PPP2R2B: variants seen among roughly 807,000 people sequenced by gnomAD.
The protein encoded by PPP2R2B is protein phosphatase 2 regulatory subunit Bbeta, also known as serine/threonine-protein phosphatase 2A 55 kDa regulatory subunit B beta isoform.
A neutral mutation model predicts 46.0 loss-of-function variants in PPP2R2B; 5 were observed. The ratio of observed to expected loss-of-function variants is 0.11; its 90% CI spans 0.06 to 0.23. The LOEUF (loss-of-function observed/expected upper bound fraction) is 0.23. Ranked by LOEUF, PPP2R2B falls within the 10% of genes least tolerant of loss-of-function variation. The probability of loss-of-function intolerance (pLI) is 1.00; values close to 1 mark genes in which losing one functional copy is unlikely to be tolerated. For missense variants in PPP2R2B, 367 were observed against 575.0 expected (o/e 0.64, Z 3.70); for synonymous variants, 215 against 206.7 (o/e 1.04, Z -0.34).
intron 2 of PPP2R2B, among the ~76,000 whole-genome samples, chr5:146,830,045 A>G (rs1231776950): frequency 6.6e-6 from 1 of 152,204 alleles, no homozygotes. Context: ...TATGCAAAAC[A>G]TATAGTACAA....
chr5:146,644,865 T>C lies in PPP2R2B; in HGVS notation c.625+5682A>G, dbSNP rs1290996037. On this transcript the variant is annotated intron_variant, in intron 6 of 9. Transcript: ENST00000394411. ...CTCCAAGGATAGGGTTTATATGCAT[T>C]GCCTTTGTGAGGTGACTTTCATATG... is the stretch of plus-strand genomic sequence containing the variant. 4.6e-5 allele frequency among the ~76,000 whole-genome samples: 7 copies of C among 152,226 alleles called. No homozygotes were observed. The East Asian group carries it at 1.3e-3, about 29-fold the overall frequency.
chr5:146,803,388 TTAAAGA>T (rs1756982195), intron 2 of PPP2R2B, among the ~76,000 whole-genome samples: 1 of 152,158 alleles, frequency 6.6e-6, no homozygotes, highest in Non-Finnish European at 1.5e-5. Flanking sequence ...TTAGACACTT[TTAAAGA>T]TAAAGGTCAT....
intron 1 of PPP2R2B, chr5:147,054,530 C>A (rs1345209646): frequency 6.8e-6 from 3 of 442,982 alleles, no homozygotes; most frequent in Non-Finnish European, 1.4e-5. Context: ...AAATACCACC[C>A]TCAGTCTCAA....
chr5:147,064,444 G>A (rs755466191), intron 2 of PPP2R2B, among the ~76,000 whole-genome samples: 3 of 152,120 alleles, frequency 2.0e-5, no homozygotes, highest in Non-Finnish European at 4.4e-5. Context: ...GAATATCCCC[G>A]GGGGTGCAAA....
chr5:146,954,514 G>T (rs1751783302), intron 1 of PPP2R2B, among the ~76,000 whole-genome samples: 2 of 152,108 alleles, frequency 1.3e-5, no homozygotes, highest in South Asian at 2.1e-4. Context: ...AGTGGGAAAG[G>T]GTGGGAAGGG....
At chr5:147,046,156 G>C (rs1273306652) in intron 1 of PPP2R2B, among the ~76,000 whole-genome samples, 2 of 152,026 alleles carry the variant, frequency 1.3e-5, no homozygotes, top group Admixed American at 1.3e-4. Flanking sequence ...ACATAATAGA[G>C]ATGTTCTTTA....
chr5:146,771,204 A>G (rs1409542526), intron 2 of PPP2R2B, among the ~76,000 whole-genome samples: 2 of 152,216 alleles, frequency 1.3e-5, no homozygotes, highest in Non-Finnish European at 2.9e-5. Flanking sequence ...TCTGGCTCTC[A>G]TCAGTGGCCA....
chr5:146,795,614 T>C (rs1561913087), intron 2 of PPP2R2B, among the ~76,000 whole-genome samples: 1 of 152,166 alleles, frequency 6.6e-6, no homozygotes, highest in Non-Finnish European at 1.5e-5. Flanking sequence ...ATGTGTTATA[T>C]ACTTGAAATT....
At chr5:147,064,332 T>G (rs953077032) in intron 2 of PPP2R2B, among the ~76,000 whole-genome samples, 19 of 152,174 alleles carry the variant, frequency 1.2e-4, no homozygotes, top group Admixed American at 6.5e-5. Context: ...ATGGGTCTGT[T>G]TGAGGATGTT....
At chr5:146,955,325 A>T (rs1405780119) in intron 1 of PPP2R2B, among the ~76,000 whole-genome samples, 1 of 152,202 alleles carries the variant, frequency 6.6e-6, no homozygotes, top group African/African-American at 2.4e-5. Context: ...ATATTGATTC[A>T]TTAGGTCTGG....
intron 7 of PPP2R2B, among the ~76,000 whole-genome samples, chr5:146,628,450 A>T (rs1774207011): frequency 6.6e-6 from 1 of 152,166 alleles, no homozygotes; most frequent in Admixed American, 6.5e-5. Flanking sequence ...TTGCTGGTAG[A>T]GCCAGTGCAA....
At chr5:146,681,862 G>A (rs1024406115) in intron 5 of PPP2R2B, among the ~76,000 whole-genome samples, 4 of 152,160 alleles carry the variant, frequency 2.6e-5, no homozygotes, top group Non-Finnish European at 5.9e-5. Flanking sequence ...TTATGGCCAG[G>A]GAATCTCAAG....
chr5:146,948,632 T>C (rs1764559481), intron 1 of PPP2R2B, among the ~76,000 whole-genome samples: 2 of 152,120 alleles, frequency 1.3e-5, no homozygotes, highest in South Asian at 4.1e-4. Context: ...TAAATTCATG[T>C]GTTCCTATGA....
intron 1 of PPP2R2B, among the ~76,000 whole-genome samples, chr5:146,989,349 A>G (rs996625896): frequency 2.0e-5 from 3 of 152,116 alleles, no homozygotes; most frequent in Non-Finnish European, 1.5e-5. Context: ...AAAATCCTCA[A>G]CAAAATACTA....
intron 2 of PPP2R2B, among the ~76,000 whole-genome samples, chr5:147,076,444 T>C (rs562558447): frequency 2.8e-4 from 43 of 152,280 alleles, no homozygotes; most frequent in African/African-American, 9.6e-4. Flanking sequence ...AAATATAAAC[T>C]TTTAACAGTG....
At chr5:146,744,941 C>T (rs1753083962) in intron 2 of PPP2R2B, among the ~76,000 whole-genome samples, 1 of 152,054 alleles carries the variant, frequency 6.6e-6, no homozygotes, top group South Asian at 2.1e-4. Context: ...TCAAACACAC[C>T]ATAGAGATCA....
chr5:146,867,710 C>T (rs319224), intron 2 of PPP2R2B, among the ~76,000 whole-genome samples: 4,058 of 152,218 alleles, frequency 0.027, 205 homozygotes, highest in African/African-American at 0.093. Context: ...CAGTTTCACG[C>T]ACCCTGGCTT....
At chr5:146,884,784 C>T (rs1330035831) in intron 1 of PPP2R2B, among the ~76,000 whole-genome samples, 1 of 152,232 alleles carries the variant, frequency 6.6e-6, no homozygotes, top group East Asian at 1.9e-4. Context: ...TTTCCAAAAC[C>T]AGGTTAGCAA....
chr5:146,701,025 T>G lies in PPP2R2B; in HGVS notation c.168+20A>C, dbSNP rs1281369481. The G allele has an allele frequency of 6.3e-7, 1 of 1,583,596 alleles. No individual in the cohort carries two copies. The highest frequency in any genetic ancestry group is 8.7e-7 in the Non-Finnish European group (1 of 1,152,400). Reference sequence around the variant, plus strand: ...TTAAAAAGTGAAGAAAATGGGCATTTTGCATTCACCACCACTTACCTCCTG... The same window carrying G: ...TTAAAAAGTGAAGAAAATGGGCATTGTGCATTCACCACCACTTACCTCCTG... On this transcript the variant is annotated intron_variant, in intron 3 of 9. Coordinates refer to ENST00000394411, the MANE Select transcript of PPP2R2B (RefSeq NM_181675.4).
Sources: gnomAD v4.1 joint callset for allele counts (sites outside exome capture counted in the v4.1 genomes callset) on GRCh38, gnomAD v4.1.1 for gene constraint, MANE v1.5 for transcripts, NCBI Gene and HGNC (gene_info 2026-07-23, HGNC 2026-07-21) for gene names.